Variants in TBC1D12 observed in about 807,000 individuals in gnomAD.
TBC1D12 encodes the protein TBC1 domain family, member 12.
Under a neutral mutation model 86.7 loss-of-function variants are expected in TBC1D12, and 56 were observed. That is an observed-to-expected ratio of 0.65 (90% CI 0.52 to 0.81). The LOEUF (loss-of-function observed/expected upper bound fraction) is 0.81, where lower values mean the gene tolerates loss of function less well. Among genes scored for constraint, TBC1D12 ranks in the 30% least tolerant of loss-of-function variants. The pLI is 0.00. For synonymous variants in TBC1D12, 421 were observed against 411.7 expected, an observed-to-expected ratio of 1.02 and a Z score of -0.27; for missense variants, 1,023 against 1,038.8, an observed-to-expected ratio of 0.98 and a Z score of 0.21.
At chr10:94,514,305 C>G (rs561185368) in intron 9 of TBC1D12, among the ~76,000 whole-genome samples, 95 of 152,200 alleles carry the variant, frequency 6.2e-4, no homozygotes, top group Admixed American at 1.4e-3. Flanking sequence ...AGTTCAGGCT[C>G]TTGAAGCTGT....
At chr10:94,427,107 ACT>A (rs1466864406) in intron 1 of TBC1D12, among the ~76,000 whole-genome samples, 2 of 152,214 alleles carry the variant, frequency 1.3e-5, no homozygotes, top group Non-Finnish European at 2.9e-5. Flanking sequence ...AAACAAAAAC[ACT>A]GTTAGTTTCT....
intron 11 of TBC1D12, among the ~76,000 whole-genome samples, chr10:94,530,629 G>C (rs528623746): frequency 6.6e-6 from 1 of 152,062 alleles, no homozygotes; most frequent in Non-Finnish European, 1.5e-5. Flanking sequence ...TGAAGAAACT[G>C]AGGCACAGTA....
intron 11 of TBC1D12, among the ~76,000 whole-genome samples, chr10:94,524,263 T>C (rs1209894293): frequency 6.6e-6 from 1 of 152,264 alleles, no homozygotes; most frequent in African/African-American, 2.4e-5. Flanking sequence ...CCTAGAGGTA[T>C]TACGCATCTC....
intron 3 of TBC1D12, 138 bp downstream of exon 3, chr10:94,474,921 C>G (rs2055966157): frequency 3.8e-6 from 3 of 791,926 alleles, no homozygotes; most frequent in East Asian, 5.4e-5. Flanking sequence ...TGTTGTCTAT[C>G]CTAAAACTAT....
chr10:94,468,878 C>A (rs988264674), intron 2 of TBC1D12, among the ~76,000 whole-genome samples: 1 of 152,064 alleles, frequency 6.6e-6, no homozygotes, highest in Admixed American at 6.6e-5. Flanking sequence ...TGGATAGTTT[C>A]TGTTGCTCTG....
At chr10:94,496,407 T>G (rs2056321962) in intron 4 of TBC1D12, among the ~76,000 whole-genome samples, 1 of 152,118 alleles carries the variant, frequency 6.6e-6, no homozygotes, top group African/African-American at 2.4e-5. Context: ...TTTTAAAATT[T>G]CAAACTAGTA....
At chr10:94,501,872 T>A (rs984634955) in intron 6 of TBC1D12, among the ~76,000 whole-genome samples, 1 of 151,820 alleles carries the variant, frequency 6.6e-6, no homozygotes, top group South Asian at 2.1e-4. Flanking sequence ...GATGAGTTTT[T>A]AAAAAATTAA....
chr10:94,479,900 C>T (rs1327809445), intron 3 of TBC1D12, among the ~76,000 whole-genome samples: 1 of 152,090 alleles, frequency 6.6e-6, no homozygotes, highest in Non-Finnish European at 1.5e-5. Flanking sequence ...TATGGTGGCT[C>T]CATGCATCAA....
chr10:94,482,709 C>T lies in TBC1D12; in HGVS notation c.1211+7926C>T, dbSNP rs535829747. ...AGGTGATCCGCCCGCCTCAGCCTCCCAAAGTGCTAGGATTACAGGCATGAG... is the reference window on the plus strand; with the variant it reads ...AGGTGATCCGCCCGCCTCAGCCTCCTAAAGTGCTAGGATTACAGGCATGAG... On this transcript the variant is annotated intron_variant, in intron 3 of 12. Coordinates refer to ENST00000225235, the MANE Select transcript of TBC1D12 (RefSeq NM_015188.2). 2.0e-5 allele frequency among the ~76,000 whole-genome samples: 3 copies of T among 152,212 alleles called. No individual in the cohort carries two copies. In the East Asian group the frequency reaches 5.8e-4, roughly 29 times the overall value.
chr10:94,446,754 G>A (rs2055467986), intron 2 of TBC1D12, among the ~76,000 whole-genome samples: 1 of 152,084 alleles, frequency 6.6e-6, no homozygotes, highest in East Asian at 1.9e-4. Flanking sequence ...ACATCTGTAA[G>A]ATTACACACT....
At chr10:94,404,547 G>A (rs1365266115) in intron 1 of TBC1D12, among the ~76,000 whole-genome samples, 2 of 151,648 alleles carry the variant, frequency 1.3e-5, no homozygotes, top group Non-Finnish European at 2.9e-5. Flanking sequence ...TCGGGATGCT[G>A]AGGCAGGAGA....
intron 2 of TBC1D12, among the ~76,000 whole-genome samples, chr10:94,447,469 C>A (rs2055486060): frequency 6.6e-6 from 1 of 152,030 alleles, no homozygotes; most frequent in Non-Finnish European, 1.5e-5. Flanking sequence ...TATTACAAGT[C>A]TAATCAATTT....
intron 2 of TBC1D12, among the ~76,000 whole-genome samples, chr10:94,446,044 A>G (rs2055457681): frequency 1.3e-5 from 2 of 151,574 alleles, no homozygotes; most frequent in South Asian, 2.1e-4. Flanking sequence ...TCTACTCCCT[A>G]TTTGTCTAAT....
intron 9 of TBC1D12, among the ~76,000 whole-genome samples, chr10:94,520,309 T>C (rs1002005718): frequency 5.9e-5 from 9 of 151,652 alleles, no homozygotes; most frequent in Non-Finnish European, 1.3e-4. Context: ...TCCCAGCACT[T>C]TGGGAGGCCG....
chr10:94,462,283 A>G (rs999257457), intron 2 of TBC1D12, among the ~76,000 whole-genome samples: 1 of 152,186 alleles, frequency 6.6e-6, no homozygotes, highest in Middle Eastern at 3.2e-3. Flanking sequence ...CAACCTCAGC[A>G]CTTTTGACAT....
rs563373849 is a variant in TBC1D12 at position 94,535,565 on chromosome 10, A to C, written c.*2469A>C. On this transcript the variant is annotated 3_prime_UTR_variant, in exon 13 of 13. Transcript: ENST00000225235. ...TCAAAAGGTAATTGCTATTATAGGG[A>C]CTTACTTATTGGAGACTGGTAATAT... 6.6e-6 allele frequency: 1 copy of C among 152,180 alleles called. No homozygotes were observed. The highest frequency in any genetic ancestry group is 1.5e-5 in the Non-Finnish European group (1 of 67,998). The allele number at this position is 152,180 out of a possible 1,614,324, so 9.4% of individuals were successfully genotyped here.
At position 94,497,140 on chromosome 10, in the gene TBC1D12, G is replaced by C. The variant is rs1226533295; in HGVS notation, c.1380G>C (p.Trp460Cys). The C allele has an allele frequency of 6.4e-7, 1 of 1,558,214 alleles. No homozygotes were observed. Among genetic ancestry groups the C allele is most frequent in the African/African-American group, 1.4e-5 (1 of 70,268 alleles). ...ATATTGCAAGTGCAATGGTAATTTG[G>C]ATCAATGAAATACTGCCCAATTGGG... ...EENIASAMVI[W>C]INEILPNWEV... The change falls in exon 5 of 13, where the codon TGG becomes TGC. Residue 460 changes from tryptophan (W) to cysteine (C), a missense_variant. Coordinates refer to ENST00000225235, the MANE Select transcript of TBC1D12 (RefSeq NM_015188.2).
Position 94,522,469 on chromosome 10 carries a change from C to T in TBC1D12, c.2000+16C>T, listed in dbSNP as rs373636402. The stretch of plus-strand genomic sequence containing the variant: ...TGATAGACTGGTAAGTCATAACATA[C>T]GTAATATATAATAATGAAAAGGAAA... On this transcript the variant is annotated intron_variant, in intron 11 of 12. Coordinates refer to ENST00000225235, the MANE Select transcript of TBC1D12 (RefSeq NM_015188.2). 252 of 985,486 alleles carry T rather than the reference C, an allele frequency of 2.6e-4. No homozygotes were observed. In the African/African-American group the frequency reaches 3.3e-3, roughly 13 times the overall value. 61.0% of individuals were successfully genotyped at this position (985,486 alleles called of 1,614,324 possible).
chr10:94,410,549 T>C (rs1325429350), intron 1 of TBC1D12, among the ~76,000 whole-genome samples: 2 of 152,126 alleles, frequency 1.3e-5, no homozygotes, highest in Non-Finnish European at 2.9e-5. Context: ...CCACAGTTTT[T>C]TTTTGGTTGT....
Sources: allele counts gnomAD v4.1 joint callset (sites outside exome capture counted in the v4.1 genomes callset), GRCh38; gene constraint gnomAD v4.1.1; transcripts MANE v1.5; gene names NCBI Gene and HGNC (gene_info 2026-07-23, HGNC 2026-07-21).